The following ITGB1 variants were observed in gnomAD, a reference collection of about 807,000 sequenced individuals.
ITGB1 encodes integrin subunit beta 1.
A neutral mutation model predicts 86.5 loss-of-function variants in ITGB1; 24 were observed. The ratio of observed to expected loss-of-function variants is 0.28; its 90% CI spans 0.20 to 0.39. ITGB1 has a LOEUF of 0.39. Ranked by LOEUF, ITGB1 falls within the 10% of genes least tolerant of loss-of-function variation. ITGB1 has a pLI of 1.00. For synonymous variants in ITGB1, 323 were observed against 316.8 expected (o/e 1.02, Z -0.21); for missense variants, 556 against 946.9 (o/e 0.59, Z 5.42).
intron 1 of ITGB1, among the ~76,000 whole-genome samples, chr10:32,949,951 T>A (rs2095039527): frequency 6.6e-6 from 1 of 152,162 alleles, no homozygotes; most frequent in Non-Finnish European, 1.5e-5. Flanking sequence ...ATGTAACATA[T>A]GTAACATGTT....
intron 2 of ITGB1, among the ~76,000 whole-genome samples, chr10:32,934,875 G>A (rs77187757): frequency 0.015 from 2,327 of 151,750 alleles, 68 homozygotes; most frequent in African/African-American, 0.053. Context: ...TTTCTTTTAC[G>A]GTCTCCTGCT....
chr10:32,925,151 G>A (rs1467982554), intron 6 of ITGB1, among the ~76,000 whole-genome samples: 7 of 152,140 alleles, frequency 4.6e-5, no homozygotes, highest in South Asian at 2.1e-4. Context: ...GAGTAGGTAC[G>A]CAGGACAAAC....
At chr10:32,957,802 C>A (rs908396345) in intron 1 of ITGB1, 1 of 152,022 alleles carries the variant, frequency 6.6e-6, no homozygotes, top group Non-Finnish European at 1.5e-5. Context: ...TGTCAGGGGC[C>A]GTTCGGGCCC....
intron 1 of ITGB1, among the ~76,000 whole-genome samples, chr10:32,946,237 T>C (rs1016221203): frequency 3.5e-4 from 54 of 152,194 alleles, no homozygotes; most frequent in African/African-American, 1.3e-3. Flanking sequence ...TAAGCATACT[T>C]TGTCATTAGT....
chr10:32,934,237 A>G (rs2094993454), intron 2 of ITGB1, among the ~76,000 whole-genome samples: 1 of 152,140 alleles, frequency 6.6e-6, no homozygotes, highest in South Asian at 2.1e-4. Flanking sequence ...CGGATCAAAA[A>G]TGGGGGAAAA....
In ITGB1 at chr10:32,935,582, A is replaced by G. The variant is rs774567808; in HGVS notation, c.1-24T>C. 9 of 1,513,528 alleles carry G rather than the reference A, an allele frequency of 5.9e-6. No homozygotes were observed. In the East Asian group the frequency reaches 1.8e-4, roughly 30 times the overall value. The allele number at this position is 1,513,528 out of a possible 1,614,324, so 93.8% of individuals were successfully genotyped here. A position where few individuals can be genotyped will look rare whatever the true frequency, so the allele number is the denominator to read the frequency against. ...ATCTGAAATGTAAAATGTGCCTTAT[A>G]TTAGTTATAAAGAAATAAAATGAAA... is the stretch of plus-strand genomic sequence containing the variant. On this transcript the variant is annotated intron_variant, in intron 1 of 15. Transcript: ENST00000302278.
chr10:32,937,417 G>A (rs1223732262), intron 1 of ITGB1, among the ~76,000 whole-genome samples: 1 of 152,042 alleles, frequency 6.6e-6, no homozygotes, highest in Non-Finnish European at 1.5e-5. Flanking sequence ...TTAGCTGGGT[G>A]TGGTGGCATA....
At chr10:32,948,350 A>C (rs911933243) in intron 1 of ITGB1, among the ~76,000 whole-genome samples, 18 of 152,184 alleles carry the variant, frequency 1.2e-4, no homozygotes, top group Non-Finnish European at 1.5e-5. Flanking sequence ...ACAAAATACA[A>C]ATGCTCTGAA....
chr10:32,928,027 A>G, intron 5 of ITGB1, 67 bp downstream of exon 5: 1 of 919,658 alleles, frequency 1.1e-6, no homozygotes, highest in Non-Finnish European at 1.6e-6. Flanking sequence ...GGAATAAAAT[A>G]TAAAACAACA....
intron 1 of ITGB1, among the ~76,000 whole-genome samples, chr10:32,951,256 G>T (rs1395722415): frequency 6.6e-6 from 1 of 151,956 alleles, no homozygotes. Context: ...CAGAACTAAG[G>T]AAGAAAATTT....
chr10:32,955,143 A>C (rs902192340), intron 1 of ITGB1, among the ~76,000 whole-genome samples: 3 of 152,234 alleles, frequency 2.0e-5, no homozygotes, highest in Admixed American at 2.0e-4. Flanking sequence ...AGGATTCAGA[A>C]GACGAATGTA....
At chr10:32,906,975 A>G (rs2094898269) in intron 15 of ITGB1, 3 of 592,190 alleles carry the variant, frequency 5.1e-6, no homozygotes, top group Admixed American at 3.0e-5. Flanking sequence ...ACTTAAAAAA[A>G]GAACAGCAAT....
At chr10:32,941,199 G>A (rs957645283) in intron 1 of ITGB1, among the ~76,000 whole-genome samples, 4 of 152,166 alleles carry the variant, frequency 2.6e-5, no homozygotes, top group Admixed American at 6.5e-5. Context: ...GTCCCGAGGC[G>A]AATTATAATA....
At chr10:32,950,287 C>T (rs1335460951) in intron 1 of ITGB1, among the ~76,000 whole-genome samples, 2 of 152,040 alleles carry the variant, frequency 1.3e-5, no homozygotes, top group Non-Finnish European at 2.9e-5. Context: ...CCCACTTATC[C>T]CACATAGAGA....
chr10:32,946,549 T>C (rs2095031578), intron 1 of ITGB1, among the ~76,000 whole-genome samples: 1 of 152,086 alleles, frequency 6.6e-6, no homozygotes, highest in African/African-American at 2.4e-5. Flanking sequence ...TACTGTGACC[T>C]GGTAGGAGAA....
At chr10:32,935,671 C>T (rs932368866) in intron 1 of ITGB1, 113 bp from the exon 2 acceptor site, 2 of 750,074 alleles carry the variant, frequency 2.7e-6, no homozygotes, top group Non-Finnish European at 4.4e-6. Flanking sequence ...CATGATGGCT[C>T]TCAAACCATT....
chr10:32,910,705 A>C (rs2094910618), intron 13 of ITGB1, among the ~76,000 whole-genome samples: 1 of 152,214 alleles, frequency 6.6e-6, no homozygotes, highest in African/African-American at 2.4e-5. Flanking sequence ...AAAAGATAGT[A>C]AAATAAATTA....
At chr10:32,924,282 A>C (rs2094958388) in intron 6 of ITGB1, among the ~76,000 whole-genome samples, 1 of 152,160 alleles carries the variant, frequency 6.6e-6, no homozygotes. Flanking sequence ...CACCCATTCT[A>C]ACTCCTCAAT....
At position 32,901,597 on chromosome 10, in the gene ITGB1, C is replaced by G; in HGVS notation, c.2370G>C (p.Val790=). The change falls in exon 16 of 16, where the codon GTG becomes GTC. Residue 790 remains valine (V), a synonymous_variant. Transcript: ENST00000302278. Reference sequence around the variant, plus strand: ...ATTTTCCCTCATACTTCGGATTGACCACAGTTGTTACGGCACTCTTATAAA... The same window carrying G: ...ATTTTCCCTCATACTTCGGATTGACGACAGTTGTTACGGCACTCTTATAAA... The part of the protein sequence containing the change: ...NPIYKSAVTT[V]VNPKYEGK 1 of 1,603,926 alleles carries G rather than the reference C, an allele frequency of 6.2e-7. No individual in the cohort carries two copies. Among genetic ancestry groups the G allele is most frequent in the Non-Finnish European group, 8.5e-7 (1 of 1,173,730 alleles).
Sources: gnomAD v4.1 joint callset for allele counts (sites outside exome capture counted in the v4.1 genomes callset) on GRCh38, gnomAD v4.1.1 for gene constraint, MANE v1.5 for transcripts, NCBI Gene and HGNC (gene_info 2026-07-23, HGNC 2026-07-21) for gene names.